Variants in NDST3 observed in about 807,000 individuals in gnomAD.
NDST3 encodes the protein bifunctional heparan sulfate N-deacetylase/N-sulfotransferase 3.
In NDST3, 58 loss-of-function variants were observed where a neutral mutation model predicts 96.1. The observed-to-expected ratio is 0.60, with a 90% CI of 0.49 to 0.75. NDST3 has a LOEUF of 0.75. Ranked by LOEUF, NDST3 falls within the 30% of genes least tolerant of loss-of-function variation. The pLI is 0.00. For synonymous variants in NDST3, 333 were observed against 359.7 expected, an observed-to-expected ratio of 0.93 and a Z score of 0.84; for missense variants, 788 against 1,034.2, an observed-to-expected ratio of 0.76 and a Z score of 3.27.
chr4:118,255,916 C>T lies in NDST3; in HGVS notation c.*204C>T, dbSNP rs533934771. The T allele has an allele frequency of 2.4e-4, 110 of 455,806 alleles. 2 individuals carry two copies. In the South Asian group the frequency reaches 4.3e-3, roughly 18 times the overall value. 28.2% of individuals were successfully genotyped at this position (455,806 alleles called of 1,614,324 possible). Reference sequence around the variant, plus strand: ...TTGAGGCCTGTGGCCTTTCTCTTAACCCATATCTGAGCCTGTGGGATTATT... The same window carrying T: ...TTGAGGCCTGTGGCCTTTCTCTTAATCCATATCTGAGCCTGTGGGATTATT... On this transcript the variant is annotated 3_prime_UTR_variant, in exon 14 of 14. Transcript: ENST00000296499.
intron 6 of NDST3, among the ~76,000 whole-genome samples, chr4:118,148,009 T>C (rs1734075366): frequency 6.6e-6 from 1 of 152,164 alleles, no homozygotes; most frequent in South Asian, 2.1e-4. Context: ...ACAAGATTCA[T>C]GCCAATGGGC....
intron 6 of NDST3, among the ~76,000 whole-genome samples, chr4:118,157,428 GT>G (rs35472465): frequency 0.71 from 90,730 of 127,870 alleles, 32,520 homozygotes; most frequent in South Asian, 0.84. Flanking sequence ...TTTTGTTTTT[GT>G]TTTTTTTTTT....
At chr4:118,044,403 TAA>T (rs1229209932) in intron 1 of NDST3, among the ~76,000 whole-genome samples, 1 of 152,278 alleles carries the variant, frequency 6.6e-6, no homozygotes, top group Admixed American at 6.5e-5. Context: ...CCAGAGCATT[TAA>T]AAGAGACCTC....
At chr4:118,114,598 A>G (rs1730903743) in intron 3 of NDST3, among the ~76,000 whole-genome samples, 1 of 152,224 alleles carries the variant, frequency 6.6e-6, no homozygotes, top group Non-Finnish European at 1.5e-5. Context: ...CTCATGTTTA[A>G]TAACATTTAA....
Position 118,096,659 on chromosome 4 carries a change from G to GTAGATAGATAGA in NDST3, c.982-8318_982-8307dup, listed in dbSNP as rs56067967. ...CAATACATACTCCATTATGGCTAGA[G>GTAGATAGATAGA]TAGATAGATAGATAGATAGATAGAT... On this transcript the variant is annotated intron_variant, in intron 2 of 13. Coordinates refer to ENST00000296499, the MANE Select transcript of NDST3 (RefSeq NM_004784.3). 4.3e-3 allele frequency among the ~76,000 whole-genome samples: 617 copies of GTAGATAGATAGA among 144,924 alleles called. 1 individual carries two copies. Among genetic ancestry groups the GTAGATAGATAGA allele is most frequent in the Admixed American group, 7.4e-3 (105 of 14,278 alleles).
At chr4:118,081,298 T>A (rs891480683) in intron 2 of NDST3, among the ~76,000 whole-genome samples, 1 of 152,158 alleles carries the variant, frequency 6.6e-6, no homozygotes, top group Non-Finnish European at 1.5e-5. Flanking sequence ...ATACACTATA[T>A]TTTTATGCAA....
Position 118,114,791 on chromosome 4 carries a change from T to TC in NDST3, c.1070-15_1070-14insC. 3.3e-6 allele frequency: 5 copies of TC among 1,499,552 alleles called. No homozygotes were observed. Among genetic ancestry groups the TC allele is most frequent in the Admixed American group, 2.1e-5 (1 of 46,832 alleles). The allele number at this position is 1,499,552 out of a possible 1,614,324, so 92.9% of individuals were successfully genotyped here. ...TGTAACTGGAATTAATTGGATAATA[T>TC]TTCCCCCCCTAAAGGAACTGAAGAG... On this transcript the variant is annotated splice_polypyrimidine_tract_variant and intron_variant, in intron 3 of 13. Transcript: ENST00000296499.
At chr4:118,246,707 ACT>A (rs927809794) in intron 12 of NDST3, among the ~76,000 whole-genome samples, 2 of 152,166 alleles carry the variant, frequency 1.3e-5, no homozygotes, top group African/African-American at 4.8e-5. Flanking sequence ...GCAGAAACCA[ACT>A]CTTCACAAGG....
chr4:118,139,271 T>C (rs1733375111), intron 5 of NDST3, among the ~76,000 whole-genome samples: 1 of 152,212 alleles, frequency 6.6e-6, no homozygotes, highest in Admixed American at 6.5e-5. Context: ...AGAGGGAGTT[T>C]AGAAGACCTG....
intron 2 of NDST3, among the ~76,000 whole-genome samples, chr4:118,100,310 A>G (rs942242034): frequency 2.0e-5 from 3 of 151,938 alleles, no homozygotes; most frequent in Non-Finnish European, 4.4e-5. Flanking sequence ...TCAAACTGCC[A>G]CTTATACCAT....
chr4:118,196,902 T>C (rs1455230929), intron 6 of NDST3, among the ~76,000 whole-genome samples: 1 of 151,916 alleles, frequency 6.6e-6, no homozygotes, highest in Non-Finnish European at 1.5e-5. Flanking sequence ...TGCTCTTGCT[T>C]TTCTACTTCT....
chr4:118,066,553 A>T (rs1337255188), intron 2 of NDST3, among the ~76,000 whole-genome samples: 1 of 89,344 alleles, frequency 1.1e-5, no homozygotes, highest in African/African-American at 5.6e-5. Flanking sequence ...ATTATATATA[A>T]TATGTTATAT....
At chr4:118,205,077 T>G (rs1212204864) in intron 6 of NDST3, among the ~76,000 whole-genome samples, 1 of 144,676 alleles carries the variant, frequency 6.9e-6, no homozygotes, top group Admixed American at 6.8e-5. Flanking sequence ...CTTTTCATTT[T>G]AATAATAATA....
chr4:118,064,558 T>A (rs942706536), intron 2 of NDST3, among the ~76,000 whole-genome samples: 18 of 152,166 alleles, frequency 1.2e-4, no homozygotes, highest in Non-Finnish European at 2.4e-4. Context: ...AAAATTAAAA[T>A]TTACCTATAA....
chr4:118,067,315 G>A (rs1726669827), intron 2 of NDST3, among the ~76,000 whole-genome samples: 2 of 152,088 alleles, frequency 1.3e-5, no homozygotes, highest in African/African-American at 4.8e-5. Flanking sequence ...AAAGGATCTC[G>A]ACATAATTTG....
rs1192119166 is a variant in NDST3, at chr4:118,251,195, C to T, written c.2400-2304C>T. On this transcript the variant is annotated intron_variant, in intron 12 of 13. Transcript: ENST00000296499. ...AGGCTGGAGTGCAGTGGCACAATCT[C>T]GGCTCACTGCAAGCTCCGCCTCCCG... Among the ~76,000 whole-genome samples the T allele has an allele frequency of 5.0e-5, 7 of 139,212 alleles. No individual in the cohort carries two copies. The East Asian group carries it at 6.2e-4, about 12-fold the overall frequency. The allele number at this position is 139,212 out of a possible 152,430, so 91.3% of individuals were successfully genotyped here.
At chr4:118,081,942 T>C (rs1278491865) in intron 2 of NDST3, among the ~76,000 whole-genome samples, 1 of 152,166 alleles carries the variant, frequency 6.6e-6, no homozygotes, top group East Asian at 1.9e-4. Flanking sequence ...ATGCTCATTT[T>C]CAAGCCAGGA....
chr4:118,175,321 C>G (rs368334456), intron 6 of NDST3, among the ~76,000 whole-genome samples: 1 of 151,950 alleles, frequency 6.6e-6, no homozygotes, highest in Non-Finnish European at 1.5e-5. Flanking sequence ...TTGTCTTGCC[C>G]AGTTTTTACT....
intron 9 of NDST3, among the ~76,000 whole-genome samples, chr4:118,234,608 G>GT (rs553539084): frequency 2.0e-4 from 31 of 152,010 alleles, no homozygotes; most frequent in African/African-American, 7.5e-4. Flanking sequence ...TCCCTAGGAT[G>GT]TTTTTTCAAA....
Sources: gnomAD v4.1 joint callset for allele counts (sites outside exome capture counted in the v4.1 genomes callset) on GRCh38, gnomAD v4.1.1 for gene constraint, MANE v1.5 for transcripts, NCBI Gene and HGNC (gene_info 2026-07-23, HGNC 2026-07-21) for gene names.